TTLL9: variants seen among roughly 807,000 people sequenced by gnomAD.
TTLL9 encodes tubulin tyrosine ligase like 9, also known as probable tubulin polyglutamylase TTLL9.
In TTLL9, 47 loss-of-function variants were observed where a neutral mutation model predicts 65.6. That is an observed-to-expected ratio of 0.72 (90% CI 0.57 to 0.91). TTLL9 has a LOEUF of 0.91. Among genes scored for constraint, TTLL9 ranks in the 40% least tolerant of loss-of-function variants. The probability of loss-of-function intolerance (pLI) is 0.00; values close to 1 mark genes in which losing one functional copy is unlikely to be tolerated. For missense variants in TTLL9, 537 were observed against 568.8 expected, an observed-to-expected ratio of 0.94 and a Z score of 0.57; for synonymous variants, 179 against 204.8, an observed-to-expected ratio of 0.87 and a Z score of 1.07.
chr20:31,932,194 A>C (rs2064026414), intron 10 of TTLL9, among the ~76,000 whole-genome samples: 1 of 152,074 alleles, frequency 6.6e-6, no homozygotes, highest in Admixed American at 6.5e-5. Context: ...AATTTGGGCC[A>C]GGCATGGTGG....
intron 3 of TTLL9, among the ~76,000 whole-genome samples, chr20:31,888,459 C>T (rs1191058874): frequency 6.6e-6 from 1 of 152,074 alleles, no homozygotes; most frequent in African/African-American, 2.4e-5. Context: ...TAAAGGAATA[C>T]CTGAGACTTT....
At chr20:31,893,072 A>T (rs2063330549) in intron 3 of TTLL9, among the ~76,000 whole-genome samples, 1 of 152,016 alleles carries the variant, frequency 6.6e-6, no homozygotes, top group Admixed American at 6.6e-5. Context: ...AGCCCGAGGA[A>T]CGTTCTTTAG....
intron 10 of TTLL9, among the ~76,000 whole-genome samples, chr20:31,930,654 A>C (rs1285948562): frequency 6.6e-6 from 1 of 152,038 alleles, no homozygotes; most frequent in African/African-American, 2.4e-5. Context: ...ACATCTGTTC[A>C]TTTTTATTTT....
rs1366739118 is a variant in TTLL9 at position 31,928,239 on chromosome 20, G to A, written c.748+2148G>A. Among the ~76,000 whole-genome samples the A allele has an allele frequency of 2.0e-5, 3 of 151,850 alleles. No homozygotes were observed. In the East Asian group the frequency reaches 5.8e-4, roughly 29 times the overall value. The stretch of plus-strand genomic sequence containing the variant: ...CCCGGGGCTAGTTTCTAGTTAATGA[G>A]GCTTTGCTGTTTTCACAGTGAGTAA... On this transcript the variant is annotated intron_variant, in intron 10 of 14. Transcript: ENST00000535842.
At chr20:31,872,570 G>A (rs1370810055) in intron 2 of TTLL9, among the ~76,000 whole-genome samples, 1 of 151,952 alleles carries the variant, frequency 6.6e-6, no homozygotes, top group Non-Finnish European at 1.5e-5. Flanking sequence ...GGAAGCTGAA[G>A]TGGGAGGACC....
chr20:31,908,429 G>A (rs1206436575), intron 4 of TTLL9, among the ~76,000 whole-genome samples, 162 bp from the exon 5 acceptor site: 3 of 152,160 alleles, frequency 2.0e-5, no homozygotes, highest in Non-Finnish European at 4.4e-5. Flanking sequence ...GTCTAACAAA[G>A]CACATGTAGG....
At chr20:31,942,365 G>A (rs2064224947) in intron 14 of TTLL9, among the ~76,000 whole-genome samples, 2 of 152,158 alleles carry the variant, frequency 1.3e-5, no homozygotes, top group South Asian at 4.1e-4. Flanking sequence ...GAACTGCCTG[G>A]GATTGGGGGC....
At chr20:31,924,241 C>T (rs1349278497) in intron 8 of TTLL9, among the ~76,000 whole-genome samples, 1 of 152,144 alleles carries the variant, frequency 6.6e-6, no homozygotes, top group Non-Finnish European at 1.5e-5. Context: ...CACTTCACTC[C>T]ACCCCAACGT....
At chr20:31,926,125 G>A in intron 10 of TTLL9, 34 bp downstream of exon 10, 1 of 1,490,280 alleles carries the variant, frequency 6.7e-7, no homozygotes, top group Non-Finnish European at 9.4e-7. Flanking sequence ...CCCTCCGGGA[G>A]CTTCCAGTTT....
At chr20:31,894,742 CACAT>C (rs753192201) in intron 3 of TTLL9, among the ~76,000 whole-genome samples, 1 of 143,808 alleles carries the variant, frequency 7.0e-6, no homozygotes, top group Non-Finnish European at 1.5e-5. Flanking sequence ...CACACACACA[CACAT>C]ACGTACACAC....
rs564644880 is a variant in TTLL9 at position 31,894,038 on chromosome 20, A to G, written c.114-4435A>G. On this transcript the variant is annotated intron_variant, in intron 3 of 14. Coordinates refer to ENST00000535842, the MANE Select transcript of TTLL9 (RefSeq NM_001008409.5). ...CAATGCCTAGTCTCTTGTTAAGCAC[A>G]TCCATTGAACTTTCAATTTCAGATA... is the stretch of plus-strand genomic sequence containing the variant. Among the ~76,000 whole-genome samples the G allele has an allele frequency of 1.8e-4, 27 of 150,288 alleles. No homozygotes were observed. In the East Asian group the frequency reaches 5.3e-3, roughly 29 times the overall value.
At chr20:31,886,723 G>A (rs577955157) in intron 2 of TTLL9, among the ~76,000 whole-genome samples, 23 of 152,200 alleles carry the variant, frequency 1.5e-4, no homozygotes, top group Non-Finnish European at 2.9e-4. Flanking sequence ...GGAGGCTGAG[G>A]CAGGAGAATC....
intron 11 of TTLL9, among the ~76,000 whole-genome samples, 159 bp downstream of exon 11, chr20:31,934,017 C>T (rs1295130115): frequency 6.6e-6 from 1 of 152,210 alleles, no homozygotes; most frequent in Non-Finnish European, 1.5e-5. Flanking sequence ...CAGGGCAGGA[C>T]TACAAATGGA....
chr20:31,921,524 G>A (rs983743125), intron 7 of TTLL9, among the ~76,000 whole-genome samples: 22 of 152,154 alleles, frequency 1.4e-4, no homozygotes, highest in Non-Finnish European at 1.9e-4. Context: ...ACATGCACAC[G>A]TATGTTTATT....
chr20:31,880,001 G>T, intron 2 of TTLL9: 1 of 645,284 alleles, frequency 1.5e-6, no homozygotes, highest in Non-Finnish European at 2.6e-6. Context: ...CTCGCGGAAT[G>T]GGTAGGGGTG....
intron 3 of TTLL9, among the ~76,000 whole-genome samples, chr20:31,895,239 G>GT (rs1333995520): frequency 6.6e-6 from 1 of 152,180 alleles, no homozygotes; most frequent in Admixed American, 6.5e-5. Flanking sequence ...CGCTAGCAGT[G>GT]TTTTTTATGA....
At position 31,870,649 on chromosome 20, in the gene TTLL9, C is replaced by T. The variant is rs1349648634; in HGVS notation, c.-306C>T. 1 of 1,280,684 alleles carries T rather than the reference C, an allele frequency of 7.8e-7. No homozygotes were observed. Among genetic ancestry groups the T allele is most frequent in the East Asian group, 3.0e-5 (1 of 33,630 alleles). 79.3% of individuals were successfully genotyped at this position (1,280,684 alleles called of 1,614,324 possible). A position where few individuals can be genotyped will look rare whatever the true frequency, so the allele number is the denominator to read the frequency against. On this transcript the variant is annotated 5_prime_UTR_variant, in exon 1 of 15. It adds an upstream start codon to the 5' untranslated region. Transcript: ENST00000535842. The surrounding 1 kb of genome is among the most constrained non-coding windows in gnomAD (Gnocchi z 6.6). Reference sequence around the variant, plus strand: ...ACAAAGCCCCAGTGTGCCGGGCCCACGGCCCGCGGGACAACGGCAGTTTGT... The same window carrying T: ...ACAAAGCCCCAGTGTGCCGGGCCCATGGCCCGCGGGACAACGGCAGTTTGT...
intron 9 of TTLL9, 112 bp downstream of exon 9, chr20:31,925,161 C>G: frequency 8.4e-7 from 1 of 1,184,774 alleles, no homozygotes; most frequent in South Asian, 1.3e-5. Context: ...CTGGTTTTAT[C>G]TCTCCCTGGG....
intron 2 of TTLL9, among the ~76,000 whole-genome samples, chr20:31,882,965 C>T (rs2063139636): frequency 6.6e-6 from 1 of 152,128 alleles, no homozygotes; most frequent in African/African-American, 2.4e-5. Context: ...ATTCTTCATT[C>T]GTCATTTCCC....
Sources: allele counts gnomAD v4.1 joint callset (sites outside exome capture counted in the v4.1 genomes callset), GRCh38; gene constraint gnomAD v4.1.1; non-coding constraint Gnocchi (gnomAD v3.1); transcripts MANE v1.5; gene names NCBI Gene and HGNC (gene_info 2026-07-23, HGNC 2026-07-21).